PHIP: variants seen among roughly 807,000 people sequenced by gnomAD.
PHIP encodes PH-interacting protein.
Under a neutral mutation model 236.8 loss-of-function variants are expected in PHIP, and 54 were observed. The ratio of observed to expected loss-of-function variants is 0.23; its 90% confidence interval spans 0.18 to 0.29. PHIP has a LOEUF of 0.29. Ranked by LOEUF, PHIP falls within the 10% of genes least tolerant of loss-of-function variation. The probability of loss-of-function intolerance (pLI) is 1.00; values close to 1 mark genes in which losing one functional copy is unlikely to be tolerated. For synonymous variants in PHIP, 756 were observed against 718.9 expected (o/e 1.05, Z -0.83); for missense variants, 1,370 against 2,190.8 (o/e 0.63, Z 7.48).
intron 24 of PHIP, among the ~76,000 whole-genome samples, 169 bp from the exon 25 acceptor site, chr6:78,971,057 A>G (rs1389642456): frequency 1.3e-5 from 2 of 152,170 alleles, no homozygotes; most frequent in Non-Finnish European, 2.9e-5. Context: ...TCACTAAATC[A>G]TAACCAAAGT....
chr6:78,977,901 G>A (rs1056525842), intron 24 of PHIP, among the ~76,000 whole-genome samples: 1 of 151,880 alleles, frequency 6.6e-6, no homozygotes, highest in African/African-American at 2.4e-5. Context: ...ACTTTATACT[G>A]TAAATTAGTG....
At chr6:79,074,894 C>T (rs1488230260) in intron 4 of PHIP, among the ~76,000 whole-genome samples, 1 of 152,032 alleles carries the variant, frequency 6.6e-6, no homozygotes, top group Non-Finnish European at 1.5e-5. Context: ...CCATTTTAAG[C>T]AGCAATAATT....
chr6:79,008,581 C>T (rs1770419092), intron 15 of PHIP, among the ~76,000 whole-genome samples: 2 of 111,456 alleles, frequency 1.8e-5, no homozygotes, highest in South Asian at 7.8e-4. Flanking sequence ...CTTGACACAC[C>T]CTCTTAAGGA....
At chr6:78,956,044 C>T (rs935607617) in intron 32 of PHIP, 2 of 155,402 alleles carry the variant, frequency 1.3e-5, no homozygotes, top group African/African-American at 4.8e-5. Flanking sequence ...GTTCTTAACG[C>T]ATCTTGACAC....
At chr6:79,065,630 T>G (rs2127775931) in intron 4 of PHIP, among the ~76,000 whole-genome samples, 1 of 152,248 alleles carries the variant, frequency 6.6e-6, no homozygotes, top group African/African-American at 2.4e-5. Flanking sequence ...GGTTGCACAC[T>G]TCCTGTGACT....
intron 24 of PHIP, 89 bp from the exon 25 acceptor site, chr6:78,970,977 C>A: frequency 1.2e-6 from 1 of 807,854 alleles, no homozygotes; most frequent in Non-Finnish European, 2.0e-6. Context: ...AAGAGAAAAT[C>A]TAATGCCTTT....
At chr6:78,977,533 T>C (rs1262986576) in intron 24 of PHIP, among the ~76,000 whole-genome samples, 1 of 152,000 alleles carries the variant, frequency 6.6e-6, no homozygotes, top group Admixed American at 6.6e-5. Flanking sequence ...AAAAATACCA[T>C]TATTGCTCCA....
chr6:79,045,286 G>C (rs952618348), intron 6 of PHIP, among the ~76,000 whole-genome samples: 1 of 152,176 alleles, frequency 6.6e-6, no homozygotes, highest in South Asian at 2.1e-4. Flanking sequence ...AGGAGAAAAT[G>C]TAAGTATAGT....
At chr6:79,060,157 C>A (rs1455269020) in intron 6 of PHIP, among the ~76,000 whole-genome samples, 1 of 151,550 alleles carries the variant, frequency 6.6e-6, no homozygotes, top group Non-Finnish European at 1.5e-5. Context: ...CTTTTGTCTC[C>A]TACCATTATA....
At chr6:78,973,952 C>A (rs1420756857) in intron 24 of PHIP, among the ~76,000 whole-genome samples, 2 of 152,010 alleles carry the variant, frequency 1.3e-5, no homozygotes, top group Non-Finnish European at 2.9e-5. Flanking sequence ...CCACTGTCAA[C>A]ATTAGACAGA....
At chr6:79,065,473 T>C (rs1157142882) in intron 4 of PHIP, among the ~76,000 whole-genome samples, 1 of 152,150 alleles carries the variant, frequency 6.6e-6, no homozygotes, top group African/African-American at 2.4e-5. Context: ...ATAATCTCTC[T>C]CTCCTGTCAG....
chr6:79,065,707 A>T (rs1214880816), intron 4 of PHIP, among the ~76,000 whole-genome samples: 2 of 151,158 alleles, frequency 1.3e-5, no homozygotes, highest in African/African-American at 4.9e-5. Context: ...ATGTTTTTCT[A>T]CTTCACCATT....
intron 6 of PHIP, among the ~76,000 whole-genome samples, chr6:79,056,448 A>C: frequency 6.6e-6 from 1 of 152,164 alleles, no homozygotes; most frequent in South Asian, 2.1e-4. Context: ...AATGGTTGAC[A>C]CTATCATTCA....
intron 7 of PHIP, among the ~76,000 whole-genome samples, chr6:79,027,005 T>C (rs1049949115): frequency 6.6e-6 from 1 of 152,082 alleles, no homozygotes; most frequent in Non-Finnish European, 1.5e-5. Flanking sequence ...AATTACTGAA[T>C]ATTTTACAGG....
At chr6:78,956,099 A>G (rs1766399436) in intron 32 of PHIP, 2 of 152,520 alleles carry the variant, frequency 1.3e-5, no homozygotes, top group African/African-American at 4.8e-5. Flanking sequence ...GTGTAAATGA[A>G]TTCCAAAATT....
In PHIP at chr6:78,994,746, A is replaced by C. The variant is rs189740565; in HGVS notation, c.2201+2668T>G. Among the ~76,000 whole-genome samples the C allele has an allele frequency of 6.3e-4, 96 of 152,308 alleles. 1 individual carries two copies. In the South Asian group the frequency reaches 7.9e-3, roughly 13 times the overall value. Reference sequence around the variant, plus strand: ...ATTTTAAGAAATTGCCACAGCCACTACAAGCTTCAGCAACCTCCACTCTGA... The same window carrying C: ...ATTTTAAGAAATTGCCACAGCCACTCCAAGCTTCAGCAACCTCCACTCTGA... On this transcript the variant is annotated intron_variant, in intron 19 of 39. Coordinates refer to ENST00000275034, the MANE Select transcript of PHIP (RefSeq NM_017934.7).
chr6:78,980,747 C>T (rs1435249483), intron 23 of PHIP, among the ~76,000 whole-genome samples: 1 of 152,042 alleles, frequency 6.6e-6, no homozygotes, highest in Non-Finnish European at 1.5e-5. Context: ...TTCAGAGCAG[C>T]TGCTATCAGT....
rs1017301636 is a variant in PHIP at position 78,966,668 on chromosome 6, T to C, written c.3206-612A>G. On this transcript the variant is annotated intron_variant, in intron 27 of 39. Coordinates refer to ENST00000275034, the MANE Select transcript of PHIP (RefSeq NM_017934.7). Reference sequence around the variant, plus strand: ...CTATTTCCTTATCCAATTGCTGTCGTCGTATTACTTAACCTGCTTTTTCCC... The same window carrying C: ...CTATTTCCTTATCCAATTGCTGTCGCCGTATTACTTAACCTGCTTTTTCCC... Among the ~76,000 whole-genome samples, 25 of 152,230 alleles carry C rather than the reference T, an allele frequency of 1.6e-4. 1 individual carries two copies. Among genetic ancestry groups the C allele is most frequent in the African/African-American group, 5.8e-4 (24 of 41,462 alleles).
At chr6:78,964,641 C>T (rs1367673632) in intron 29 of PHIP, among the ~76,000 whole-genome samples, 2 of 152,026 alleles carry the variant, frequency 1.3e-5, no homozygotes, top group African/African-American at 4.8e-5. Context: ...TACAGGCACA[C>T]GCCACCACGC....
Sources: gnomAD v4.1 joint callset for allele counts (sites outside exome capture counted in the v4.1 genomes callset) on GRCh38, gnomAD v4.1.1 for gene constraint, MANE v1.5 for transcripts, NCBI Gene and HGNC (gene_info 2026-07-23, HGNC 2026-07-21) for gene names.